The following CCDC102B variants were observed in gnomAD, a reference collection of about 807,000 sequenced individuals.
CCDC102B encodes the protein coiled-coil domain-containing protein 102B.
In CCDC102B, 75 loss-of-function variants were observed where a neutral mutation model predicts 57.4. That is an observed-to-expected ratio of 1.31 (90% CI 1.08 to 1.58). The LOEUF is 1.58. Among genes scored for constraint, CCDC102B ranks in the 40% most tolerant of loss-of-function variants. The pLI is 0.00. For synonymous variants in CCDC102B, 206 were observed against 201.9 expected (o/e 1.02, Z -0.17); for missense variants, 636 against 582.6 (o/e 1.09, Z -0.94).
intron 5 of CCDC102B, among the ~76,000 whole-genome samples, chr18:68,890,321 G>C (rs557342291): frequency 1.3e-5 from 2 of 151,790 alleles, no homozygotes; most frequent in Admixed American, 1.3e-4. Flanking sequence ...CTGCAGCTTC[G>C]ACCTTCTGGG....
chr18:69,049,359 A>G (rs2052646955), intron 7 of CCDC102B, among the ~76,000 whole-genome samples: 1 of 152,132 alleles, frequency 6.6e-6, no homozygotes, highest in Non-Finnish European at 1.5e-5. Context: ...GTCCCTGCAA[A>G]GGACATGAAT....
chr18:68,969,424 CT>C (rs1277855289), intron 6 of CCDC102B, among the ~76,000 whole-genome samples: 2 of 151,588 alleles, frequency 1.3e-5, no homozygotes, highest in Non-Finnish European at 2.9e-5. Context: ...TCTGGACTAC[CT>C]GGTTTAATAT....
At chr18:68,822,482 T>C (rs1398347077) in intron 1 of CCDC102B, among the ~76,000 whole-genome samples, 1 of 151,846 alleles carries the variant, frequency 6.6e-6, no homozygotes, top group Non-Finnish European at 1.5e-5. Context: ...AAATTGGGCA[T>C]TTAAAAACTG....
intron 6 of CCDC102B, among the ~76,000 whole-genome samples, chr18:68,957,837 AT>A (rs2049942466): frequency 6.6e-6 from 1 of 151,982 alleles, no homozygotes; most frequent in African/African-American, 2.4e-5. Flanking sequence ...TCTTTGGTTA[AT>A]TCCTAGACTT....
chr18:68,951,965 G>A (rs1297882812), intron 6 of CCDC102B, among the ~76,000 whole-genome samples: 1 of 151,950 alleles, frequency 6.6e-6, no homozygotes, highest in Non-Finnish European at 1.5e-5. Context: ...CTTTCCATTA[G>A]TATCCATACA....
At chr18:68,951,701 G>A (rs376190810) in intron 6 of CCDC102B, among the ~76,000 whole-genome samples, 6 of 151,930 alleles carry the variant, frequency 3.9e-5, no homozygotes, top group South Asian at 2.1e-4. Flanking sequence ...TCAGCTGCTC[G>A]GGAGGCTGAG....
rs565348155 is a variant in CCDC102B, at chr18:68,737,458, G to T, written c.-67+20864G>T. ...CCATTGACTGGCGCTTGTGGTGGTGGTGGTGGTGGTGGTAGTGGCAGTGGT... is the reference window on the plus strand; with the variant it reads ...CCATTGACTGGCGCTTGTGGTGGTGTTGGTGGTGGTGGTAGTGGCAGTGGT... On this transcript the variant is annotated intron_variant, in intron 2 of 3. Coordinates refer to the CCDC102B transcript ENST00000578970. Among the ~76,000 whole-genome samples, 540 of 151,832 alleles carry T rather than the reference G, an allele frequency of 3.6e-3. 4 individuals carry two copies. The highest frequency in any genetic ancestry group is 0.012 in the African/African-American group (511 of 41,418).
At chr18:68,743,245 A>G (rs1163333141) in intron 2 of CCDC102B, among the ~76,000 whole-genome samples, 1 of 150,816 alleles carries the variant, frequency 6.6e-6, no homozygotes, top group Non-Finnish European at 1.5e-5. Context: ...ATAAATAAAT[A>G]AATAAATAAA....
chr18:68,769,773 C>G (rs1325549176), intron 2 of CCDC102B, among the ~76,000 whole-genome samples: 2 of 151,934 alleles, frequency 1.3e-5, no homozygotes, highest in Non-Finnish European at 2.9e-5. Context: ...CAGACCGATG[C>G]TAAAATCAAA....
intron 2 of CCDC102B, among the ~76,000 whole-genome samples, chr18:68,785,720 G>T (rs2035182119): frequency 6.7e-6 from 1 of 148,156 alleles, no homozygotes; most frequent in Admixed American, 6.7e-5. Context: ...TGTAGATTCT[G>T]GATATTAGCC....
intron 2 of CCDC102B, among the ~76,000 whole-genome samples, chr18:68,789,086 T>C (rs1431040881): frequency 6.6e-6 from 1 of 152,178 alleles, no homozygotes; most frequent in Non-Finnish European, 1.5e-5. Context: ...CCTTCGCTTA[T>C]GAAGCTTAGT....
chr18:68,993,606 G>T lies in CCDC102B; in HGVS notation c.1264-17328G>T, dbSNP rs1045577842. Among the ~76,000 whole-genome samples, 7 of 152,198 alleles carry T rather than the reference G, an allele frequency of 4.6e-5. No individual in the cohort carries two copies. The East Asian group carries it at 1.2e-3, about 25-fold the overall frequency. ...CGATTTTATCCTATATAATTCTGCA[G>T]CTTGCTTTTGACACTAAAAATATTT... On this transcript the variant is annotated intron_variant, in intron 6 of 7. Coordinates refer to ENST00000360242, the MANE Select transcript of CCDC102B (RefSeq NM_024781.3).
chr18:68,991,358 C>A (rs948617152), intron 6 of CCDC102B, among the ~76,000 whole-genome samples: 2 of 152,150 alleles, frequency 1.3e-5, no homozygotes, highest in African/African-American at 4.8e-5. Context: ...TTTTCAACAG[C>A]AACAAAAAGC....
intron 1 of CCDC102B, among the ~76,000 whole-genome samples, chr18:68,821,723 A>T (rs1189685497): frequency 6.6e-6 from 1 of 151,972 alleles, no homozygotes; most frequent in Non-Finnish European, 1.5e-5. Flanking sequence ...ATATACACAT[A>T]TATGTATTTT....
intron 6 of CCDC102B, among the ~76,000 whole-genome samples, chr18:68,979,223 A>G (rs2050513862): frequency 6.6e-6 from 1 of 152,084 alleles, no homozygotes; most frequent in Non-Finnish European, 1.5e-5. Context: ...AGAAGTTTAG[A>G]ATATGTTCAA....
At chr18:68,773,710 T>C (rs924898630) in intron 2 of CCDC102B, among the ~76,000 whole-genome samples, 1 of 151,880 alleles carries the variant, frequency 6.6e-6, no homozygotes, top group Admixed American at 6.6e-5. Flanking sequence ...AGACTAACGG[T>C]TTTGGGAGCT....
At chr18:68,746,564 C>G (rs7235600) in intron 2 of CCDC102B, among the ~76,000 whole-genome samples, 347 of 152,130 alleles carry the variant, frequency 2.3e-3, no homozygotes, top group African/African-American at 8.1e-3. Context: ...AGCCTAGTAT[C>G]TTTCATTTCA....
chr18:68,736,420 G>A (rs2033131530), intron 2 of CCDC102B, among the ~76,000 whole-genome samples: 1 of 152,168 alleles, frequency 6.6e-6, no homozygotes, highest in African/African-American at 2.4e-5. Flanking sequence ...GCTAACGTAA[G>A]AGCTTTATTA....
Position 68,857,194 on chromosome 18 carries a change from TTTTTATATAATATATAA to T in CCDC102B, c.936+10774_936+10790del, listed in dbSNP as rs1165456390. Among the ~76,000 whole-genome samples the T allele has an allele frequency of 9.4e-3, 302 of 32,230 alleles. 56 individuals carry two copies. Among genetic ancestry groups the T allele is most frequent in the African/African-American group, 0.041 (291 of 7,072 alleles). 21.1% of individuals were successfully genotyped at this position (32,230 alleles called of 152,430 possible). ...TAATATATAAAAATATATTTATATA[TTTTTATATAATATATAA>T]AAATATATTTATATATTTTTATATA... On this transcript the variant is annotated intron_variant, in intron 4 of 7. Transcript: ENST00000360242.
Sources: allele counts gnomAD v4.1 joint callset (sites outside exome capture counted in the v4.1 genomes callset), GRCh38; gene constraint gnomAD v4.1.1; transcripts MANE v1.5; gene names NCBI Gene and HGNC (gene_info 2026-07-23, HGNC 2026-07-21).